The following SUCLG2 variants were observed in gnomAD, a reference collection of about 807,000 sequenced individuals.
SUCLG2 encodes the protein succinate-CoA ligase GDP-forming subunit beta.
Under a neutral mutation model 47.9 loss-of-function variants are expected in SUCLG2, and 42 were observed. The ratio of observed to expected loss-of-function variants is 0.88; its 90% CI spans 0.69 to 1.14. The LOEUF (loss-of-function observed/expected upper bound fraction) is 1.14, where lower values mean the gene tolerates loss of function less well. SUCLG2 is among the 50% of genes most tolerant of loss of function. The pLI is 0.00. For synonymous variants in SUCLG2, 195 were observed against 197.3 expected, an observed-to-expected ratio of 0.99 and a Z score of 0.10; for missense variants, 571 against 525.9, an observed-to-expected ratio of 1.09 and a Z score of -0.84.
At chr3:67,511,759 T>C (rs919998150) in intron 6 of SUCLG2, among the ~76,000 whole-genome samples, 1 of 151,762 alleles carries the variant, frequency 6.6e-6, no homozygotes, top group African/African-American at 2.4e-5. Flanking sequence ...TTAAGAGACA[T>C]CTTATTTTTT....
chr3:67,475,602 C>CT (rs1704728074), intron 9 of SUCLG2, among the ~76,000 whole-genome samples: 1 of 152,190 alleles, frequency 6.6e-6, no homozygotes, highest in Non-Finnish European at 1.5e-5. Context: ...AAATGATTTG[C>CT]TGAGCATGAA....
chr3:67,648,252 G>A (rs1030004678), intron 1 of SUCLG2, among the ~76,000 whole-genome samples: 1 of 152,144 alleles, frequency 6.6e-6, no homozygotes, highest in Non-Finnish European at 1.5e-5. Flanking sequence ...CCCAGACTTC[G>A]TGTCTTTAAT....
chr3:67,596,457 C>G (rs1708294296), intron 2 of SUCLG2, among the ~76,000 whole-genome samples: 1 of 152,130 alleles, frequency 6.6e-6, no homozygotes, highest in Non-Finnish European at 1.5e-5. Context: ...AATAATGAGT[C>G]AGAAAGGGAA....
chr3:67,409,075 T>A (rs1158539722), intron 9 of SUCLG2: 1 of 1,520,888 alleles, frequency 6.6e-7, no homozygotes, highest in Admixed American at 2.0e-5. Flanking sequence ...CTTGTATAGG[T>A]TTGTGGACCA....
chr3:67,382,093 A>G (rs1702171065), intron 10 of SUCLG2, among the ~76,000 whole-genome samples: 1 of 152,196 alleles, frequency 6.6e-6, no homozygotes, highest in South Asian at 2.1e-4. Context: ...TTTTAATAGG[A>G]ATTCAGTTTT....
At chr3:67,462,039 T>C (rs895363159) in intron 9 of SUCLG2, among the ~76,000 whole-genome samples, 1 of 152,098 alleles carries the variant, frequency 6.6e-6, no homozygotes, top group Non-Finnish European at 1.5e-5. Flanking sequence ...TGTGGTATTA[T>C]TTTACATATA....
At chr3:67,521,244 A>G (rs1348522490) in intron 4 of SUCLG2, among the ~76,000 whole-genome samples, 1 of 152,232 alleles carries the variant, frequency 6.6e-6, no homozygotes, top group Non-Finnish European at 1.5e-5. Flanking sequence ...CTCTACCTCA[A>G]ATAAACCCTC....
chr3:67,592,718 C>CAAAAA (rs754866312), intron 2 of SUCLG2, among the ~76,000 whole-genome samples: 13 of 80,260 alleles, frequency 1.6e-4, no homozygotes, highest in African/African-American at 4.8e-4. Context: ...TCACATCCTC[C>CAAAAA]AAAAAAAAAA....
chr3:67,477,204 A>G (rs1704785619), intron 9 of SUCLG2, among the ~76,000 whole-genome samples: 1 of 152,064 alleles, frequency 6.6e-6, no homozygotes, highest in South Asian at 2.1e-4. Flanking sequence ...CCCCATCCCA[A>G]GAAGTTGATT....
downstream of SUCLG2, among the ~76,000 whole-genome samples, chr3:67,373,516 AAT>A (rs374642374): frequency 9.9e-4 from 151 of 152,262 alleles, no homozygotes; most frequent in Middle Eastern, 0.024. Flanking sequence ...TCAGGTAGTT[AAT>A]ATGTTAAATG....
At chr3:67,531,047 T>C (rs1257442152) in intron 2 of SUCLG2, among the ~76,000 whole-genome samples, 3 of 152,194 alleles carry the variant, frequency 2.0e-5, no homozygotes, top group African/African-American at 7.2e-5. Flanking sequence ...AGCATGCCCT[T>C]CTGTAAAGTA....
intron 1 of SUCLG2, among the ~76,000 whole-genome samples, chr3:67,636,524 T>TTG (rs1044305610): frequency 6.6e-6 from 1 of 152,050 alleles, no homozygotes; most frequent in Non-Finnish European, 1.5e-5. Flanking sequence ...GGCTAATTTT[T>TTG]TGTGTTTTTA....
intron 9 of SUCLG2, among the ~76,000 whole-genome samples, chr3:67,487,132 C>T (rs530049818): frequency 1.3e-5 from 2 of 151,988 alleles, no homozygotes; most frequent in South Asian, 4.2e-4. Context: ...AGGAACATGC[C>T]ACTTCTGATC....
rs1702489818 is a variant in SUCLG2 at position 67,395,043 on chromosome 3, A to T, written c.1183+5688T>A. Among the ~76,000 whole-genome samples, 3 of 152,206 alleles carry T rather than the reference A, an allele frequency of 2.0e-5. No individual in the cohort carries two copies. In the South Asian group the frequency reaches 6.2e-4, roughly 32 times the overall value. ...GGAAGCACTAAACATGGAAAGGAACAACCGGTACCAGCCGCGGCAAAATCA... is the reference window on the plus strand; with the variant it reads ...GGAAGCACTAAACATGGAAAGGAACTACCGGTACCAGCCGCGGCAAAATCA... On this transcript the variant is annotated intron_variant, in intron 10 of 10. Coordinates refer to ENST00000307227, the MANE Select transcript of SUCLG2 (RefSeq NM_003848.4).
At chr3:67,587,113 A>T (rs1708042536) in intron 2 of SUCLG2, among the ~76,000 whole-genome samples, 2 of 152,226 alleles carry the variant, frequency 1.3e-5, no homozygotes, top group South Asian at 4.1e-4. Flanking sequence ...GAACTAGGGA[A>T]GAAAATGTCA....
intron 1 of SUCLG2, among the ~76,000 whole-genome samples, chr3:67,624,678 G>A (rs1241274213): frequency 6.6e-6 from 1 of 152,134 alleles, no homozygotes. Flanking sequence ...CAGGGAGGGG[G>A]AGAGGGTAAA....
At chr3:67,596,314 C>A (rs1278489863) in intron 2 of SUCLG2, among the ~76,000 whole-genome samples, 1 of 152,130 alleles carries the variant, frequency 6.6e-6, no homozygotes, top group Non-Finnish European at 1.5e-5. Flanking sequence ...CTGTTTAAAG[C>A]TAGAATTGCC....
chr3:67,382,740 G>A (rs181268961), intron 10 of SUCLG2, among the ~76,000 whole-genome samples: 63 of 152,276 alleles, frequency 4.1e-4, no homozygotes. Flanking sequence ...GCAATGGGAG[G>A]AGTCAGTCGC....
chr3:67,479,232 C>T (rs553093867), intron 9 of SUCLG2, among the ~76,000 whole-genome samples: 3 of 151,884 alleles, frequency 2.0e-5, no homozygotes, highest in Admixed American at 6.6e-5. Flanking sequence ...AAGTCACATG[C>T]TGATTCTCTG....
Sources: gnomAD v4.1 joint callset for allele counts (sites outside exome capture counted in the v4.1 genomes callset) on GRCh38, gnomAD v4.1.1 for gene constraint, MANE v1.5 for transcripts, NCBI Gene and HGNC (gene_info 2026-07-23, HGNC 2026-07-21) for gene names.